Variants in CTNNB1 observed in about 807,000 individuals in gnomAD.
CTNNB1 encodes catenin beta-1.
In CTNNB1, 6 loss-of-function variants were observed where a neutral mutation model predicts 82.5. The observed-to-expected ratio is 0.07, with a 90% CI of 0.04 to 0.14. The LOEUF (loss-of-function observed/expected upper bound fraction) is 0.14. CTNNB1 is among the 10% of genes least tolerant of loss of function. The probability of loss-of-function intolerance (pLI) is 1.00; values close to 1 mark genes in which losing one functional copy is unlikely to be tolerated. For missense variants in CTNNB1, 529 were observed against 980.4 expected, an observed-to-expected ratio of 0.54 and a Z score of 6.15; for synonymous variants, 312 against 329.7, an observed-to-expected ratio of 0.95 and a Z score of 0.58.
chr3:41,215,944 C>T (rs1184965897), intron 1 of CTNNB1, among the ~76,000 whole-genome samples: 1 of 151,990 alleles, frequency 6.6e-6, no homozygotes, highest in African/African-American at 2.4e-5. Context: ...ACATGTGATA[C>T]CTTTATATAA....
chr3:41,231,648 G>A (rs1316899559), intron 7 of CTNNB1, among the ~76,000 whole-genome samples: 2 of 152,128 alleles, frequency 1.3e-5, no homozygotes, highest in South Asian at 2.1e-4. Flanking sequence ...AGACACTTTC[G>A]ATGGTTGTTT....
intron 1 of CTNNB1, among the ~76,000 whole-genome samples, chr3:41,205,458 G>T (rs1216935199): frequency 6.6e-6 from 1 of 152,128 alleles, no homozygotes; most frequent in Admixed American, 6.5e-5. Flanking sequence ...ACTTTGGGAG[G>T]CTGGGGAGGG....
chr3:41,216,853 T>C (rs1414274027), intron 1 of CTNNB1, among the ~76,000 whole-genome samples: 1 of 152,118 alleles, frequency 6.6e-6, no homozygotes, highest in African/African-American at 2.4e-5. Flanking sequence ...AATGTAGACC[T>C]TTTTCGTTCT....
At chr3:41,235,268 T>G in intron 10 of CTNNB1, 2 of 209,342 alleles carry the variant, frequency 9.6e-6, no homozygotes, top group Non-Finnish European at 2.0e-5. Context: ...GAGTGAGGAG[T>G]GAATTTTTCT....
At chr3:41,212,778 A>G (rs369538804) in intron 1 of CTNNB1, among the ~76,000 whole-genome samples, 1 of 152,248 alleles carries the variant, frequency 6.6e-6, no homozygotes, top group Non-Finnish European at 1.5e-5. Context: ...CTAATTGTGC[A>G]AGCCAGATAG....
Position 41,222,367 on chromosome 3 carries a change from C to T in CTNNB1, c.-48-1654C>T, listed in dbSNP as rs148270972. 149 of 152,296 alleles carry T rather than the reference C, an allele frequency of 9.8e-4. 1 individual carries two copies. Among genetic ancestry groups the T allele is most frequent in the Non-Finnish European group, 4.7e-4 (32 of 68,024 alleles). The allele number at this position is 152,296 out of a possible 1,614,324, so 9.4% of individuals were successfully genotyped here. On this transcript the variant is annotated intron_variant, in intron 1 of 14. Coordinates refer to ENST00000349496, the MANE Select transcript of CTNNB1 (RefSeq NM_001904.4). ...CAAGGTGAGTGAGTCTATGCTGTTACCTAATTAGATCCCCATTTCTACCCT... is the reference window on the plus strand; with the variant it reads ...CAAGGTGAGTGAGTCTATGCTGTTATCTAATTAGATCCCCATTTCTACCCT...
chr3:41,234,357 T>C, intron 10 of CTNNB1, 60 bp downstream of exon 10: 8 of 1,564,140 alleles, frequency 5.1e-6, no homozygotes, highest in Non-Finnish European at 7.0e-6. Context: ...ATCCAAAGGA[T>C]CCTGAACTTC....
intron 1 of CTNNB1, chr3:41,211,131 T>C (rs2077775570): frequency 2.2e-6 from 1 of 454,170 alleles, no homozygotes; most frequent in African/African-American, 2.0e-5. Flanking sequence ...GTAAACCTAC[T>C]GTGGTTTCGT....
Position 41,233,578 on chromosome 3 carries a change from A to T in CTNNB1, c.1235A>T (p.Asp412Val), listed in dbSNP as rs779273262. The T allele has an allele frequency of 6.2e-7, 1 of 1,614,182 alleles. No individual in the cohort carries two copies. Among genetic ancestry groups the T allele is most frequent in the South Asian group, 1.1e-5 (1 of 91,082 alleles). ...ACTCTTGTTCAGCTTCTGGGTTCAG[A>T]TGATATAAATGTGGTCACCTGTGCA... ...LGTLVQLLGS[D>V]DINVVTCAAG... Residue 412 changes from aspartate (D) to valine (V), a missense_variant, in exon 9 of 15, where the codon GAT (aspartate) becomes GTT (valine). By Grantham distance (152) the Asp-to-Val change is radical (BLOSUM62 -3). This residue lies in a region of CTNNB1 where 411 missense variants were observed against 776.4 expected (regional missense o/e 0.53). Coordinates refer to ENST00000349496, the MANE Select transcript of CTNNB1 (RefSeq NM_001904.4).
intron 1 of CTNNB1, among the ~76,000 whole-genome samples, chr3:41,206,025 AGT>A (rs901463557): frequency 1.6e-4 from 24 of 152,132 alleles, no homozygotes; most frequent in African/African-American, 5.8e-4. Flanking sequence ...TGGTTTGAAG[AGT>A]GTGAACATCT....
intron 7 of CTNNB1, among the ~76,000 whole-genome samples, chr3:41,232,497 G>A (rs146504909): frequency 1.4e-3 from 215 of 152,126 alleles, no homozygotes; most frequent in African/African-American, 4.9e-3. Flanking sequence ...AAACAGACCC[G>A]AAAGATGAAG....
Position 41,236,583 on chromosome 3 carries a change from CTT to C in CTNNB1, c.1955-4_1955-3del, listed in dbSNP as rs1559476955. ...CTCAAGGGCCTTTTTCTCCTTGTCT[CTT>C]AGCGACATATGCAGCTGCTGTTTTG... is the stretch of plus-strand genomic sequence containing the variant. On this transcript the variant is annotated splice_region_variant and splice_polypyrimidine_tract_variant and intron_variant, in intron 12 of 14. Transcript: ENST00000349496. The C allele has an allele frequency of 1.2e-6, 2 of 1,614,208 alleles. No homozygotes were observed. Among genetic ancestry groups the C allele is most frequent in the Admixed American group, 3.3e-5 (2 of 60,020 alleles).
At chr3:41,200,338 T>TA (rs540984661) in intron 1 of CTNNB1, 129 of 152,286 alleles carry the variant, frequency 8.5e-4, no homozygotes, top group African/African-American at 3.0e-3. Context: ...GGTGAGCACA[T>TA]AAAAAATCCA....
At chr3:41,231,327 A>C (rs77938531) in intron 7 of CTNNB1, among the ~76,000 whole-genome samples, 2 of 50,108 alleles carry the variant, frequency 4.0e-5, no homozygotes, top group African/African-American at 1.2e-4. Context: ...ACTCTATCTC[A>C]AAAAAAAAAA....
intron 9 of CTNNB1, 128 bp from the exon 10 acceptor site, chr3:41,234,011 A>T (rs1200944202): frequency 1.4e-6 from 2 of 1,440,964 alleles, no homozygotes; most frequent in Non-Finnish European, 1.9e-6. Flanking sequence ...GATAGGGGTA[A>T]GATTCTGAAA....
At chr3:41,200,428 G>A (rs1306077464) in intron 1 of CTNNB1, 1 of 152,224 alleles carries the variant, frequency 6.6e-6, no homozygotes, top group African/African-American at 2.4e-5. Flanking sequence ...ATGGATTTAT[G>A]GTAGTGGGTA....
chr3:41,203,315 T>G (rs932462511), intron 1 of CTNNB1, among the ~76,000 whole-genome samples: 1 of 152,114 alleles, frequency 6.6e-6, no homozygotes, highest in Non-Finnish European at 1.5e-5. Flanking sequence ...ATAATTAATA[T>G]CATTACTGCT....
chr3:41,207,528 A>G (rs774743355), intron 1 of CTNNB1, among the ~76,000 whole-genome samples: 87 of 152,142 alleles, frequency 5.7e-4, no homozygotes, highest in Non-Finnish European at 1.2e-3. Flanking sequence ...GATTTCATCA[A>G]TGGTCTGTCT....
At chr3:41,230,339 C>T (rs2078279662) in intron 7 of CTNNB1, among the ~76,000 whole-genome samples, 1 of 152,144 alleles carries the variant, frequency 6.6e-6, no homozygotes, top group Non-Finnish European at 1.5e-5. Flanking sequence ...ATATCAAGAT[C>T]TCATAGTGTT....
Sources: allele counts gnomAD v4.1 joint callset (sites outside exome capture counted in the v4.1 genomes callset), GRCh38; gene constraint gnomAD v4.1.1; regional missense constraint gnomAD v4.1.1; transcripts MANE v1.5; gene names NCBI Gene and HGNC (gene_info 2026-07-23, HGNC 2026-07-21).